The following KNL1 variants were observed in gnomAD, a reference collection of about 807,000 sequenced individuals.
KNL1 encodes kinetochore scaffold 1.
KNL1 carries 66 observed loss-of-function variants against 201.3 expected under a neutral mutation model. The ratio of observed to expected loss-of-function variants is 0.33; its 90% confidence interval spans 0.27 to 0.40. The LOEUF (loss-of-function observed/expected upper bound fraction) is 0.40. KNL1 is among the 10% of genes least tolerant of loss of function. The pLI is 1.00. For synonymous variants in KNL1, 895 were observed against 899.2 expected, an observed-to-expected ratio of 1.00 and a Z score of 0.08; for missense variants, 2,815 against 2,690.5, an observed-to-expected ratio of 1.05 and a Z score of -1.02.
intron 16 of KNL1, chr15:40,646,572 T>A (rs1193755713): frequency 6.6e-6 from 1 of 152,354 alleles, no homozygotes; most frequent in East Asian, 1.9e-4. Flanking sequence ...TTTGCCTGTT[T>A]GTAGGCTGGG....
At chr15:40,656,983 T>C (rs191063698) in intron 22 of KNL1, 59 bp from the exon 23 acceptor site, 338 of 725,208 alleles carry the variant, frequency 4.7e-4, no homozygotes, top group Non-Finnish European at 6.6e-4. Flanking sequence ...TTTTCACTTA[T>C]ATAAAATATA....
intron 13 of KNL1, among the ~76,000 whole-genome samples, chr15:40,634,287 A>G (rs1195506184): frequency 6.6e-6 from 1 of 152,128 alleles, no homozygotes; most frequent in East Asian, 1.9e-4. Flanking sequence ...TTGTATTCTT[A>G]GTAAAGACAG....
intron 17 of KNL1, 67 bp from the exon 18 acceptor site, chr15:40,650,234 T>C (rs894203333): frequency 9.9e-7 from 1 of 1,014,190 alleles, no homozygotes; most frequent in African/African-American, 1.6e-5. Flanking sequence ...ATTCTTTTTT[T>C]CCTTACTTTG....
chr15:40,620,216 ATTTTTT>A (rs11458507), intron 9 of KNL1, among the ~76,000 whole-genome samples: 1 of 148,502 alleles, frequency 6.7e-6, no homozygotes, highest in African/African-American at 2.5e-5. Context: ...GCCTAGAATA[ATTTTTT>A]TTTTTTTTTG....
intron 1 of KNL1, among the ~76,000 whole-genome samples, chr15:40,599,815 A>G (rs1891733655): frequency 1.5e-5 from 2 of 129,438 alleles, no homozygotes; most frequent in East Asian, 2.2e-4. Context: ...TTTTTTTTTT[A>G]AAGAGACGGG....
In KNL1 at chr15:40,629,254, CTT is replaced by C; in HGVS notation, c.5584-12_5584-11del. On this transcript the variant is annotated splice_polypyrimidine_tract_variant and intron_variant, in intron 12 of 25. Coordinates refer to ENST00000399668, the MANE Select transcript of KNL1 (RefSeq NM_144508.5). ...AAATCACATTGAATGGTCATGCAAA[CTT>C]TTTTTTCTTTTCTCAGAAACTCCAA... 2.7e-6 allele frequency: 4 copies of C among 1,497,724 alleles called. No individual in the cohort carries two copies. Among genetic ancestry groups the C allele is most frequent in the Non-Finnish European group, 2.7e-6 (3 of 1,103,698 alleles). 92.8% of individuals were successfully genotyped at this position (1,497,724 alleles called of 1,614,324 possible).
intron 11 of KNL1, 68 bp from the exon 12 acceptor site, chr15:40,628,543 T>C (rs888880053): frequency 5.6e-5 from 61 of 1,087,944 alleles, no homozygotes; most frequent in Non-Finnish European, 7.6e-5. Flanking sequence ...ACAATCTGAA[T>C]GATAACCACA....
intron 13 of KNL1, among the ~76,000 whole-genome samples, chr15:40,638,385 A>G (rs1263933433): frequency 6.6e-6 from 1 of 152,160 alleles, no homozygotes; most frequent in African/African-American, 2.4e-5. Flanking sequence ...TGTTTTAAAG[A>G]CAAGCTCTTG....
Position 40,646,988 on chromosome 15 carries a change from A to T in KNL1, c.6008A>T (p.Asn2003Ile), listed in dbSNP as rs376433284. The change falls in exon 17 of 26, where the codon AAT (asparagine) becomes ATT (isoleucine). Residue 2003 changes from asparagine to isoleucine, a missense_variant and splice_region_variant. Physicochemically the swap from Asn to Ile is moderately radical, Grantham distance 149. This residue lies in a region of KNL1 where 334 missense variants were observed against 362.6 expected (regional missense o/e 0.92). Transcript: ENST00000399668. ...CAGTCTATAATCTTTTGTATTTAGA[A>T]TGAGAGGGAGAAACTTCAAATAAAG... ...LYGKLVQSAQ[N>I]EREKLQIKID... 1.5e-6 allele frequency: 2 copies of T among 1,323,442 alleles called. No homozygotes were observed. Among genetic ancestry groups the T allele is most frequent in the African/African-American group, 2.9e-5 (2 of 69,062 alleles). 82.0% of individuals were successfully genotyped at this position (1,323,442 alleles called of 1,614,324 possible).
Position 40,621,668 on chromosome 15 carries a change from T to C in KNL1, c.1404T>C (p.Ala468=), listed in dbSNP as rs1296944033. 2.5e-6 allele frequency: 4 copies of C among 1,612,718 alleles called. No homozygotes were observed. The highest frequency in any genetic ancestry group is 3.4e-6 in the Non-Finnish European group (4 of 1,178,966). Residue 468 remains alanine, a synonymous_variant, in exon 10 of 26, where the codon GCT becomes GCC. Transcript: ENST00000399668. ...CTAAAATGTATTGCAATCCAGATGC[T>C]ATGTCTTCTCTCACAGAGAAAACTA... ...NYAKMYCNPD[A]MSSLTEKTIY...
At chr15:40,657,578 T>C in intron 24 of KNL1, 105 bp downstream of exon 24, 1 of 643,280 alleles carries the variant, frequency 1.6e-6, no homozygotes, top group South Asian at 1.9e-5. Flanking sequence ...TAAGCGGGTG[T>C]TATTCTTTCT....
Position 40,624,507 on chromosome 15 carries a change from A to C in KNL1, c.4243A>C (p.Lys1415Gln). The change falls in exon 10 of 26, where the codon AAA becomes CAA. Residue 1415 changes from lysine (K) to glutamine (Q), a missense_variant. Physicochemically the swap from Lys to Gln is moderately conservative, Grantham distance 53. Transcript: ENST00000399668. ...TAGTCAAGATCTGGGGGAGATGACT[A>C]AACTTAATTCAAAGCGAGTATCTTT... Reference protein sequence around the residue: ...VYSQDLGEMTKLNSKRVSFKL... With the variant: ...VYSQDLGEMTQLNSKRVSFKL... 1 of 1,613,782 alleles carries C rather than the reference A, an allele frequency of 6.2e-7. No homozygotes were observed. The highest frequency in any genetic ancestry group is 1.1e-5 in the South Asian group (1 of 91,064).
chr15:40,612,203 C>T (rs555100815), intron 7 of KNL1, among the ~76,000 whole-genome samples: 5 of 152,204 alleles, frequency 3.3e-5, no homozygotes, highest in South Asian at 4.2e-4. Context: ...GTAGTCCCAG[C>T]TACTCAGGAG....
At chr15:40,601,859 CTTTTTTTTTTTTTTTTT>C (rs36046773) in intron 1 of KNL1, among the ~76,000 whole-genome samples, 2 of 64,620 alleles carry the variant, frequency 3.1e-5, no homozygotes, top group Non-Finnish European at 5.3e-5. Flanking sequence ...AAAAATGCAT[CTTTTTTTTTTTTTTTTT>C]TTTTTTTTTG....
chr15:40,628,604 CT>C lies in KNL1; in HGVS notation c.5516-5del. On this transcript the variant is annotated splice_polypyrimidine_tract_variant and splice_region_variant and intron_variant, in intron 11 of 25. Transcript: ENST00000399668. ...TTGTTCGTCACCAGAATTTGCTTTA[CT>C]TCTAGCTTACCGCAGTAGTCAAATG... The C allele has an allele frequency of 6.3e-7, 1 of 1,592,596 alleles. No homozygotes were observed. The highest frequency in any genetic ancestry group is 8.6e-7 in the Non-Finnish European group (1 of 1,166,070).
rs191290121 is a variant in KNL1 at position 40,606,641 on chromosome 15, C to G, written c.135+189C>G. On this transcript the variant is annotated intron_variant, in intron 4 of 25. Transcript: ENST00000399668. ...AGGAATGGCATCTCCCTCTCTTACC[C>G]AGGTTGGAGTGTAGTGGCACAATCA... Among the ~76,000 whole-genome samples, 27 of 152,278 alleles carry G rather than the reference C, an allele frequency of 1.8e-4. No individual in the cohort carries two copies. In the East Asian group the frequency reaches 4.8e-3, roughly 27 times the overall value.
At chr15:40,636,653 AC>A (rs1200863259) in intron 13 of KNL1, among the ~76,000 whole-genome samples, 1 of 151,598 alleles carries the variant, frequency 6.6e-6, no homozygotes, top group African/African-American at 2.4e-5. Context: ...ACATGGTGAA[AC>A]CCCCCCTCTA....
intron 1 of KNL1, among the ~76,000 whole-genome samples, chr15:40,602,573 G>T (rs1012231681): frequency 1.6e-5 from 2 of 127,764 alleles, no homozygotes; most frequent in East Asian, 5.2e-4. Context: ...CGCAACCTCC[G>T]CGTCCTGGAT....
chr15:40,622,081 A>G lies in KNL1; in HGVS notation c.1817A>G (p.Lys606Arg), dbSNP rs371943910. The G allele has an allele frequency of 2.0e-4, 325 of 1,614,092 alleles. 1 individual carries two copies. In the Middle Eastern group the frequency reaches 3.0e-3, roughly 15 times the overall value. ...ACCAGTGAATCTCACTCTCAGAGCA[A>G]AAGCTCTTCAGATGAATGTGAAGAA... ...ESTSESHSQS[K>R]SSSDECEEIT... The change falls in exon 10 of 26, where the codon AAA becomes AGA. Residue 606 changes from lysine (K) to arginine (R), a missense_variant. Around this residue, in one of 3 missense-constraint regions of KNL1, gnomAD observed 2,464 missense variants for 2,291.7 expected, o/e 1.08. Transcript: ENST00000399668.
Sources: gnomAD v4.1 joint callset for allele counts (sites outside exome capture counted in the v4.1 genomes callset) on GRCh38, gnomAD v4.1.1 for gene constraint, gnomAD v4.1.1 regional missense constraint, MANE v1.5 for transcripts, NCBI Gene and HGNC (gene_info 2026-07-23, HGNC 2026-07-21) for gene names.